The following KDM4C variants were observed in gnomAD, a reference collection of about 807,000 sequenced individuals.
KDM4C encodes lysine-specific demethylase 4C.
A neutral mutation model predicts 129.3 loss-of-function variants in KDM4C; 81 were observed. The ratio of observed to expected loss-of-function variants is 0.63; its 90% CI spans 0.52 to 0.75. The LOEUF is 0.75. Ranked by LOEUF, KDM4C falls within the 30% of genes least tolerant of loss-of-function variation. The probability of loss-of-function intolerance (pLI) is 0.00; values close to 1 mark genes in which losing one functional copy is unlikely to be tolerated. For missense variants in KDM4C, 1,457 were observed against 1,304.0 expected (o/e 1.12, Z -1.81); for synonymous variants, 573 against 456.1 (o/e 1.26, Z -3.26).
chr9:6,835,030 A>C (rs1835621969), intron 4 of KDM4C: 1 of 943,774 alleles, frequency 1.1e-6, no homozygotes. Flanking sequence ...GAAGATCCTT[A>C]CCGAGCGTGG....
rs148322083 is a variant in KDM4C, at chr9:6,866,372, A to G, written c.630-13640A>G. 7.9e-5 allele frequency among the ~76,000 whole-genome samples: 12 copies of G among 152,158 alleles called. No individual in the cohort carries two copies. The East Asian group carries it at 2.3e-3, about 29-fold the overall frequency. The stretch of plus-strand genomic sequence containing the variant: ...AGGTTTTCCTTAGCTCTAGTAAAGG[A>G]TCAGAGTGCCCCCTGTCCTGAATGG... On this transcript the variant is annotated intron_variant, in intron 5 of 21. Transcript: ENST00000381309.
At chr9:6,974,558 A>C (rs1441280622) in intron 8 of KDM4C, among the ~76,000 whole-genome samples, 1 of 152,130 alleles carries the variant, frequency 6.6e-6, no homozygotes, top group African/African-American at 2.4e-5. Context: ...GAGTTTCACC[A>C]TGATGGCCAG....
intron 17 of KDM4C, among the ~76,000 whole-genome samples, chr9:7,062,973 C>G (rs1027524584): frequency 3.3e-5 from 5 of 151,964 alleles, no homozygotes; most frequent in African/African-American, 1.2e-4. Flanking sequence ...AAAACTAGAC[C>G]TAAGAAGCAC....
intron 21 of KDM4C, chr9:7,170,747 A>G (rs534373856): frequency 2.0e-6 from 2 of 983,390 alleles, no homozygotes; most frequent in African/African-American, 1.7e-5. Context: ...TGCTTATGAT[A>G]TACTTGTCTG....
chr9:6,908,610 T>G (rs569715224), intron 8 of KDM4C, among the ~76,000 whole-genome samples: 1 of 151,694 alleles, frequency 6.6e-6, no homozygotes, highest in African/African-American at 2.4e-5. Context: ...CAAGATCTTC[T>G]TGGGGGGAGG....
Position 6,805,727 on chromosome 9 carries a change from A to G in KDM4C, c.273A>G (p.Lys91=), listed in dbSNP as rs1415104736. 5.0e-6 allele frequency: 8 copies of G among 1,614,128 alleles called. No homozygotes were observed. Among genetic ancestry groups the G allele is most frequent in the East Asian group, 2.2e-5 (1 of 44,886 alleles). The change falls in exon 3 of 22, where the codon AAA becomes AAG. Residue 91 remains lysine, a synonymous_variant. Coordinates refer to ENST00000381309, the MANE Select transcript of KDM4C (RefSeq NM_015061.6). ...SGLFTQYNIQ[K]KAMTVKEFRQ... is the part of the protein sequence containing the mutation. Reference sequence around the variant, plus strand: ...TGTTCACTCAGTACAACATCCAGAAAAAAGCGATGACTGTGAAGGAGTTCA... The same window carrying G: ...TGTTCACTCAGTACAACATCCAGAAGAAAGCGATGACTGTGAAGGAGTTCA...
intron 8 of KDM4C, among the ~76,000 whole-genome samples, chr9:6,949,734 C>G (rs1394144470): frequency 6.6e-6 from 1 of 152,188 alleles, no homozygotes; most frequent in Non-Finnish European, 1.5e-5. Context: ...CGCAGGCACT[C>G]AGCAGGCTGA....
chr9:7,061,795 T>C (rs1284103155), intron 17 of KDM4C, among the ~76,000 whole-genome samples: 1 of 152,256 alleles, frequency 6.6e-6, no homozygotes, highest in Admixed American at 6.5e-5. Context: ...TTTCTTATTT[T>C]GTGGCAGTGG....
intron 12 of KDM4C, among the ~76,000 whole-genome samples, chr9:7,000,911 T>A (rs1393616902): frequency 6.6e-6 from 1 of 152,234 alleles, no homozygotes; most frequent in South Asian, 2.1e-4. Flanking sequence ...ATTTTAATAT[T>A]GTGGTGACTT....
intron 12 of KDM4C, among the ~76,000 whole-genome samples, chr9:6,992,019 C>CTTTT (rs3072730): frequency 1.3e-5 from 2 of 149,774 alleles, no homozygotes; most frequent in Admixed American, 1.3e-4. Flanking sequence ...AGTTCTTTTT[C>CTTTT]TTTTTTTTTT....
chr9:6,782,405 T>A (rs569327573), intron 1 of KDM4C, among the ~76,000 whole-genome samples: 3 of 152,316 alleles, frequency 2.0e-5, no homozygotes, highest in South Asian at 4.1e-4. Context: ...CCTACTAACT[T>A]GGGACCTTGA....
chr9:7,107,008 C>G (rs926407208), intron 18 of KDM4C, among the ~76,000 whole-genome samples: 6 of 151,946 alleles, frequency 3.9e-5, no homozygotes, highest in Non-Finnish European at 5.9e-5. Flanking sequence ...CACAGCTGAT[C>G]CCTGTTATTT....
intron 3 of KDM4C, among the ~76,000 whole-genome samples, chr9:6,807,978 C>T (rs1440206202): frequency 1.3e-4 from 15 of 118,122 alleles, no homozygotes; most frequent in African/African-American, 1.8e-4. Context: ...CCGCCCCGTC[C>T]GGGAGGGAGG....
chr9:7,006,820 G>C (rs974585341), intron 12 of KDM4C, among the ~76,000 whole-genome samples: 1 of 151,972 alleles, frequency 6.6e-6, no homozygotes. Flanking sequence ...TGGTTTCCTG[G>C]GTCTAAGTGA....
intron 19 of KDM4C, among the ~76,000 whole-genome samples, chr9:7,135,632 T>C (rs540439536): frequency 6.6e-6 from 1 of 152,136 alleles, no homozygotes; most frequent in African/African-American, 2.4e-5. Flanking sequence ...TTAGGCATCA[T>C]GGGGGATTCA....
intron 18 of KDM4C, among the ~76,000 whole-genome samples, chr9:7,110,558 A>G (rs1329558228): frequency 6.6e-6 from 1 of 152,082 alleles, no homozygotes; most frequent in African/African-American, 2.4e-5. Context: ...GGAATGAGGT[A>G]TGGGTTGGGC....
At chr9:6,969,434 C>G (rs554593114) in intron 8 of KDM4C, among the ~76,000 whole-genome samples, 7 of 152,158 alleles carry the variant, frequency 4.6e-5, no homozygotes, top group South Asian at 2.1e-4. Context: ...TGCTGATAGG[C>G]TTGATATTCC....
exon 1 of KDM4C, chr9:6,720,955 C>G: frequency 6.4e-7 from 1 of 1,551,590 alleles, no homozygotes; most frequent in Non-Finnish European, 8.7e-7. Context: ...TTTGATGAAG[C>G]ACTATGGGCT....
intron 8 of KDM4C, among the ~76,000 whole-genome samples, chr9:6,912,142 C>T (rs1175688737): frequency 6.6e-6 from 1 of 152,162 alleles, no homozygotes; most frequent in Non-Finnish European, 1.5e-5. Flanking sequence ...CTTCATGGTG[C>T]CTTGCTGTTT....
Sources: gnomAD v4.1 joint callset for allele counts (sites outside exome capture counted in the v4.1 genomes callset) on GRCh38, gnomAD v4.1.1 for gene constraint, MANE v1.5 for transcripts, NCBI Gene and HGNC (gene_info 2026-07-23, HGNC 2026-07-21) for gene names.